KIAA1217: variants seen among roughly 807,000 people sequenced by gnomAD.
The protein encoded by KIAA1217 is KIAA1217, also known as sickle tail protein homolog.
In KIAA1217, 88 loss-of-function variants were observed where a neutral mutation model predicts 163.9. That is an observed-to-expected ratio of 0.54 (90% confidence interval 0.45 to 0.64). The LOEUF (loss-of-function observed/expected upper bound fraction) is 0.64, where lower values mean the gene tolerates loss of function less well. Ranked by LOEUF, KIAA1217 falls within the 30% of genes least tolerant of loss-of-function variation. KIAA1217 has a pLI of 0.00. For synonymous variants in KIAA1217, 903 were observed against 923.1 expected, an observed-to-expected ratio of 0.98 and a Z score of 0.39; for missense variants, 2,372 against 2,475.0, an observed-to-expected ratio of 0.96 and a Z score of 0.88.
intron 9 of KIAA1217, among the ~76,000 whole-genome samples, chr10:24,507,598 A>G (rs1684360026): frequency 6.6e-6 from 1 of 152,230 alleles, no homozygotes; most frequent in Non-Finnish European, 1.5e-5. Context: ...ACTGAAGTAT[A>G]GAGAGACAAG....
chr10:23,965,191 A>G (rs1036927930), intron 1 of KIAA1217, among the ~76,000 whole-genome samples: 1 of 152,230 alleles, frequency 6.6e-6, no homozygotes, highest in Admixed American at 6.5e-5. Flanking sequence ...ATAATTTTAG[A>G]ATGTTGTTTC....
At chr10:24,162,896 G>C (rs1478962206) in intron 2 of KIAA1217, among the ~76,000 whole-genome samples, 1 of 152,190 alleles carries the variant, frequency 6.6e-6, no homozygotes, top group Non-Finnish European at 1.5e-5. Context: ...CTTTCCAAAG[G>C]CTGCCTGAGC....
intron 1 of KIAA1217, among the ~76,000 whole-genome samples, chr10:23,852,502 T>C (rs1480642482): frequency 6.6e-6 from 1 of 152,188 alleles, no homozygotes; most frequent in East Asian, 1.9e-4. Flanking sequence ...ATGCGGGCTC[T>C]TTTTTGGTTC....
chr10:24,207,723 C>A (rs1231467796), upstream of KIAA1217, among the ~76,000 whole-genome samples: 1 of 152,182 alleles, frequency 6.6e-6, no homozygotes, highest in Non-Finnish European at 1.5e-5. Context: ...CTCTCTTCTT[C>A]CCCTCCTGAC....
chr10:23,919,115 A>T (rs1270702704), intron 1 of KIAA1217, among the ~76,000 whole-genome samples: 1 of 152,066 alleles, frequency 6.6e-6, no homozygotes, highest in Non-Finnish European at 1.5e-5. Flanking sequence ...TTCAGTGTCT[A>T]TTGTCATTGG....
chr10:24,348,269 C>T (rs1296732958), intron 2 of KIAA1217, among the ~76,000 whole-genome samples: 1 of 151,990 alleles, frequency 6.6e-6, no homozygotes, highest in East Asian at 1.9e-4. Flanking sequence ...ACCTGGGAGG[C>T]AGAAGTTGCA....
At chr10:23,802,428 C>T (rs1346483302) in intron 1 of KIAA1217, among the ~76,000 whole-genome samples, 1 of 152,186 alleles carries the variant, frequency 6.6e-6, no homozygotes, top group African/African-American at 2.4e-5. Context: ...GTTTATCTAC[C>T]TTTACATGGA....
chr10:24,394,174 G>T (rs1236512096), intron 3 of KIAA1217, among the ~76,000 whole-genome samples: 1 of 152,138 alleles, frequency 6.6e-6, no homozygotes, highest in Non-Finnish European at 1.5e-5. Context: ...AATTCAGCCC[G>T]TGGAAGTTGT....
In KIAA1217 at chr10:24,119,314, T is replaced by C. The variant is rs995629703; in HGVS notation, c.-170-100312T>C. Among the ~76,000 whole-genome samples, 4 of 152,238 alleles carry C rather than the reference T, an allele frequency of 2.6e-5. No homozygotes were observed. The East Asian group carries it at 7.7e-4, about 29-fold the overall frequency. ...CAAGCAAACCAATTTATTTCAACTT[T>C]TGTCGACTTCTCTGGAATATTTAGG... On this transcript the variant is annotated intron_variant, in intron 2 of 18. Transcript: ENST00000376462.
intron 2 of KIAA1217, among the ~76,000 whole-genome samples, chr10:24,366,136 T>A (rs2050749625): frequency 6.6e-6 from 1 of 152,308 alleles, no homozygotes; most frequent in Non-Finnish European, 1.5e-5. Flanking sequence ...GCCATGTTTT[T>A]TTAAAAAGTT....
chr10:24,401,687 A>G (rs3858218), intron 3 of KIAA1217, among the ~76,000 whole-genome samples: 33,511 of 152,018 alleles, frequency 0.22, 3,987 homozygotes, highest in East Asian at 0.31. Flanking sequence ...GTCTGATCTT[A>G]CCACTCTTAA....
At chr10:24,428,268 C>T (rs1199573914) in intron 3 of KIAA1217, among the ~76,000 whole-genome samples, 2 of 152,218 alleles carry the variant, frequency 1.3e-5, no homozygotes. Flanking sequence ...CCATAGCAAT[C>T]ACATGGGACA....
intron 1 of KIAA1217, among the ~76,000 whole-genome samples, chr10:23,837,453 A>G (rs996702225): frequency 2.6e-5 from 4 of 152,188 alleles, no homozygotes; most frequent in African/African-American, 7.2e-5. Flanking sequence ...TTCCAGAGCC[A>G]TGCACCCCAA....
In KIAA1217 at chr10:23,873,094, A is replaced by G. The variant is rs59688785; in HGVS notation, c.-320-134131A>G. ...TGTAAAAAACATGAACCAAGTTAGA[A>G]GCAGGATATTCTGATACCAGGAATA... is the stretch of plus-strand genomic sequence containing the variant. On this transcript the variant is annotated intron_variant, in intron 1 of 18. Transcript: ENST00000376462. 2.2e-4 allele frequency among the ~76,000 whole-genome samples: 33 copies of G among 152,234 alleles called. No homozygotes were observed. The East Asian group carries it at 5.8e-3, about 27-fold the overall frequency.
intron 2 of KIAA1217, among the ~76,000 whole-genome samples, chr10:24,157,659 C>A (rs2064939719): frequency 6.6e-6 from 1 of 151,914 alleles, no homozygotes; most frequent in Non-Finnish European, 1.5e-5. Context: ...CAAATTAGCA[C>A]ACAAAAAAAA....
intron 2 of KIAA1217, among the ~76,000 whole-genome samples, chr10:24,314,217 A>T (rs2043070045): frequency 6.6e-6 from 1 of 152,150 alleles, no homozygotes; most frequent in South Asian, 2.1e-4. Flanking sequence ...TCCAATGCCT[A>T]CTGTAGCTCT....
At chr10:24,416,791 C>A (rs752790382) in intron 3 of KIAA1217, among the ~76,000 whole-genome samples, 73 of 152,090 alleles carry the variant, frequency 4.8e-4, no homozygotes, top group Admixed American at 1.4e-3. Flanking sequence ...CTCAGGCACA[C>A]GTGAGTGATT....
intron 3 of KIAA1217, among the ~76,000 whole-genome samples, chr10:24,431,558 C>T (rs1012568597): frequency 1.3e-5 from 2 of 152,074 alleles, no homozygotes; most frequent in Admixed American, 6.5e-5. Flanking sequence ...GTAAAATGGG[C>T]GCTTAGATGG....
intron 2 of KIAA1217, among the ~76,000 whole-genome samples, chr10:24,064,306 G>T (rs2060851099): frequency 6.6e-6 from 1 of 152,102 alleles, no homozygotes; most frequent in South Asian, 2.1e-4. Flanking sequence ...ATTATTTTGA[G>T]ATACATCCCA....
Sources: gnomAD v4.1 joint callset for allele counts (sites outside exome capture counted in the v4.1 genomes callset) on GRCh38, gnomAD v4.1.1 for gene constraint, MANE v1.5 for transcripts, NCBI Gene and HGNC (gene_info 2026-07-23, HGNC 2026-07-21) for gene names.